TBRG4: variants seen among roughly 807,000 people sequenced by gnomAD.
TBRG4 encodes FAST kinase domain-containing protein 4.
A neutral mutation model predicts 65.6 loss-of-function variants in TBRG4; 43 were observed. That is an observed-to-expected ratio of 0.66 (90% CI 0.51 to 0.85). The LOEUF (loss-of-function observed/expected upper bound fraction) is 0.85, where lower values mean the gene tolerates loss of function less well. Among genes scored for constraint, TBRG4 ranks in the 40% least tolerant of loss-of-function variants. TBRG4 has a pLI of 0.00. For synonymous variants in TBRG4, 366 were observed against 341.4 expected, an observed-to-expected ratio of 1.07 and a Z score of -0.79; for missense variants, 709 against 787.9, an observed-to-expected ratio of 0.90 and a Z score of 1.20.
rs1784720556 is a variant in TBRG4 at position 45,100,133 on chromosome 7, C to T, written c.*192G>A. ...CAGAGGGTGACCAAGCCTGGGAAGG[C>T]CCCAGGGGTCCAACACCAAAATTAA... is the stretch of plus-strand genomic sequence containing the variant. On this transcript the variant is annotated 3_prime_UTR_variant, in exon 11 of 11. Coordinates refer to ENST00000258770, the MANE Select transcript of TBRG4 (RefSeq NM_004749.4). 1 of 553,196 alleles carries T rather than the reference C, an allele frequency of 1.8e-6. No individual in the cohort carries two copies. The highest frequency in any genetic ancestry group is 3.2e-6 in the Non-Finnish European group (1 of 312,368). 34.3% of individuals were successfully genotyped at this position (553,196 alleles called of 1,614,324 possible). A position where few individuals can be genotyped will look rare whatever the true frequency, so the allele number is the denominator to read the frequency against.
chr7:45,110,223 C>G (rs113269482), intron 1 of TBRG4, among the ~76,000 whole-genome samples: 1 of 152,128 alleles, frequency 6.6e-6, no homozygotes, highest in African/African-American at 2.4e-5. Flanking sequence ...TTTAAACAGG[C>G]CTTGCACTTC....
In TBRG4 at chr7:45,101,851, AC is replaced by A; in HGVS notation, c.1540del (p.Val514TrpfsTer24). On this transcript the variant is annotated frameshift_variant, in exon 8 of 11. Transcript: ENST00000258770. LOFTEE classifies it high-confidence loss of function. The part of the protein sequence containing the change: ...LGSADKGSLE[V>X]ATQYGWVLDA... ...CAGCACCCAGCCATACTGCGTGGCC[AC>A]CTCGAGGCTGCCCTTGTCGGCGCTC... 6.2e-7 allele frequency: 1 copy of A among 1,607,094 alleles called. No homozygotes were observed. The highest frequency in any genetic ancestry group is 1.1e-5 in the South Asian group (1 of 90,982).
At chr7:45,107,417 G>C (rs1450968977) in intron 2 of TBRG4, 1 of 152,240 alleles carries the variant, frequency 6.6e-6, no homozygotes, top group Non-Finnish European at 1.5e-5. Flanking sequence ...GGTGGCTCTA[G>C]AGCCCTTTGG....
In TBRG4 at chr7:45,103,444, C is replaced by T; in HGVS notation, c.1066-1G>A. 6.2e-7 allele frequency: 1 copy of T among 1,610,498 alleles called. No individual in the cohort carries two copies. The highest frequency in any genetic ancestry group is 8.5e-7 in the Non-Finnish European group (1 of 1,177,952). The stretch of plus-strand genomic sequence containing the variant: ...TGTCCTGCGCTCTGTTCAGGACGTG[C>T]TGGGTGGGTCAGAAATAGCAGAGGG... On this transcript the variant is annotated splice_acceptor_variant, in intron 5 of 10. Coordinates refer to ENST00000258770, the MANE Select transcript of TBRG4 (RefSeq NM_004749.4). LOFTEE classifies it high-confidence loss of function.
Position 45,103,339 on chromosome 7 carries a change from G to A in TBRG4, c.1170C>T (p.Phe390=), listed in dbSNP as rs564552955. The part of the protein sequence containing the change: ...NFHPDQEDQF[F]SLVHEKLGSE... ...GGGAGCCCAGAGGCCCTACCAGGCT[G>A]AAGAACTGATCCTCTTGGTCTGGAT... Residue 390 remains phenylalanine (F), a synonymous_variant, in exon 6 of 11, where the codon TTC becomes TTT. Transcript: ENST00000258770. 6 of 1,612,584 alleles carry A rather than the reference G, an allele frequency of 3.7e-6. No individual in the cohort carries two copies. In the African/African-American group the frequency reaches 5.3e-5, roughly 14 times the overall value.
In TBRG4 at chr7:45,105,702, G is replaced by A. The variant is rs990080036; in HGVS notation, c.474C>T (p.Ile158=). The A allele has an allele frequency of 3.1e-6, 5 of 1,613,910 alleles. No homozygotes were observed. The African/African-American group carries it at 6.7e-5, about 22-fold the overall frequency. Residue 158 remains isoleucine (I), a synonymous_variant, in exon 3 of 11, where the codon ATC becomes ATT. Coordinates refer to ENST00000258770, the MANE Select transcript of TBRG4 (RefSeq NM_004749.4). ...ACTGCAGCTCCTTGGAGGCCTTGGGGATGCCCAGAGCATACAGGCTTCCCA... is the reference window on the plus strand; with the variant it reads ...ACTGCAGCTCCTTGGAGGCCTTGGGAATGCCCAGAGCATACAGGCTTCCCA... ...KLLGSLYALG[I]PKASKELQSV...
intron 1 of TBRG4, among the ~76,000 whole-genome samples, chr7:45,110,528 G>A (rs550820183): frequency 2.0e-5 from 3 of 151,966 alleles, no homozygotes; most frequent in Admixed American, 1.3e-4. Context: ...TTAGCCGGGC[G>A]TGGTGGCGGG....
chr7:45,105,349 A>G, intron 3 of TBRG4, 92 bp downstream of exon 3: 13 of 1,386,334 alleles, frequency 9.4e-6, no homozygotes, highest in Non-Finnish European at 1.2e-5. Flanking sequence ...CAGTGCACAC[A>G]ACGCACCCCT....
Position 45,105,736 on chromosome 7 carries a change from G to A in TBRG4, c.440C>T (p.Ser147Leu), listed in dbSNP as rs747884199. The A allele has an allele frequency of 3.1e-6, 5 of 1,612,574 alleles. No individual in the cohort carries two copies. In the South Asian group the frequency reaches 4.4e-5, roughly 14 times the overall value. The change falls in exon 3 of 11, where the codon TCG becomes TTG. Residue 147 changes from serine to leucine, a missense_variant. Ser to Leu is a moderately radical substitution (Grantham distance 145). Transcript: ENST00000258770. ...QIASVWHGTLSKLLGSLYALG... is the reference protein window; with the variant it reads ...QIASVWHGTLLKLLGSLYALG... Reference sequence around the variant, plus strand: ...AGCATACAGGCTTCCCAGCAGCTTCGAGAGGGTACCATGCCAGACCGAGGC... The same window carrying A: ...AGCATACAGGCTTCCCAGCAGCTTCAAGAGGGTACCATGCCAGACCGAGGC...
Position 45,108,907 on chromosome 7 carries a change from G to C in TBRG4, c.331C>G (p.Leu111Val). Residue 111 changes from leucine (L) to valine (V), a missense_variant, in exon 2 of 11, where the codon CTG becomes GTG. Transcript: ENST00000258770. ...CCTTTATCTTCTGGCTTCTCAGACA[G>C]CAAGTGAGAGAGCCGGATAAGTACC... Reference protein sequence around the residue: ...AMVLIRLSHLLSEKPEDKGLL... With the variant: ...AMVLIRLSHLVSEKPEDKGLL... The C allele has an allele frequency of 6.3e-7, 1 of 1,598,032 alleles. No individual in the cohort carries two copies.
intron 2 of TBRG4, 65 bp downstream of exon 2, chr7:45,108,762 T>C: frequency 7.3e-7 from 1 of 1,360,898 alleles, no homozygotes; most frequent in Non-Finnish European, 9.9e-7. Flanking sequence ...CTGGCTGCTG[T>C]GGACCCCAGC....
At position 45,102,061 on chromosome 7, in the gene TBRG4, G is replaced by T; in HGVS notation, c.1331C>A (p.Ser444Tyr). 1 of 1,570,100 alleles carries T rather than the reference G, an allele frequency of 6.4e-7. No homozygotes were observed. Among genetic ancestry groups the T allele is most frequent in the Non-Finnish European group, 8.6e-7 (1 of 1,165,074 alleles). ...EFHIQFLGGK[S>Y]QKDQNTFQKL... is the part of the protein sequence containing the mutation. ...CTGGAAGGTGTTCTGATCCTTCTGA[G>T]ACTTGCCCCCTAGGAGACAAGGAGA... Residue 444 changes from serine (S) to tyrosine (Y), a missense_variant, in exon 8 of 11, where the codon TCT becomes TAT. By Grantham distance (144) the Ser-to-Tyr change is moderately radical. Coordinates refer to ENST00000258770, the MANE Select transcript of TBRG4 (RefSeq NM_004749.4).
In TBRG4 at chr7:45,107,197, C is replaced by T. The variant is rs577187046; in HGVS notation, c.412-1433G>A. ...CAGGCTCTTACTAAATGCCAGGCAT[C>T]CTTCTGTGTGCGTACCCCCATGAGA... On this transcript the variant is annotated intron_variant, in intron 2 of 10. Coordinates refer to ENST00000258770, the MANE Select transcript of TBRG4 (RefSeq NM_004749.4). The T allele has an allele frequency of 6.6e-5, 10 of 152,360 alleles. No individual in the cohort carries two copies. The East Asian group carries it at 1.3e-3, about 21-fold the overall frequency. The allele number at this position is 152,360 out of a possible 1,614,324, so 9.4% of individuals were successfully genotyped here. A position where few individuals can be genotyped will look rare whatever the true frequency, so the allele number is the denominator to read the frequency against.
At chr7:45,106,107 T>G in intron 2 of TBRG4, 1 of 561,220 alleles carries the variant, frequency 1.8e-6, no homozygotes, top group Non-Finnish European at 3.5e-6. Flanking sequence ...GCCAAGCACC[T>G]GCAGAGCCAG....
chr7:45,105,164 G>A (rs1369605498), intron 3 of TBRG4: 2 of 635,452 alleles, frequency 3.1e-6, no homozygotes, highest in African/African-American at 1.8e-5. Context: ...ATCGTGCTGT[G>A]ATGGGGTTTG....
chr7:45,105,159 G>A, intron 3 of TBRG4: 1 of 641,066 alleles, frequency 1.6e-6, no homozygotes, highest in South Asian at 1.7e-5. Flanking sequence ...TCAAGATCGT[G>A]CTGTGATGGG....
intron 1 of TBRG4, among the ~76,000 whole-genome samples, chr7:45,110,459 G>T (rs968003049): frequency 6.6e-6 from 1 of 152,284 alleles, no homozygotes; most frequent in South Asian, 2.1e-4. Context: ...GAGGTCAGGA[G>T]ATCGAGACCA....
At chr7:45,105,004 G>A (rs774476175) in intron 3 of TBRG4, 11 of 737,692 alleles carry the variant, frequency 1.5e-5, no homozygotes, top group African/African-American at 1.2e-4. Context: ...GCCAGCCCCC[G>A]CTATGACAGA....
In TBRG4 at chr7:45,101,284, C is replaced by G; in HGVS notation, c.1768G>C (p.Val590Leu). ...GRFVLARRHI[V>L]AAGFLIVDVP... ...TCCACTATCAGGAAGCCTGCAGCCACTATGTGTCGCCGGGCCAGAACAAAG... is the reference window on the plus strand; with the variant it reads ...TCCACTATCAGGAAGCCTGCAGCCAGTATGTGTCGCCGGGCCAGAACAAAG... The change falls in exon 10 of 11, where the codon GTG (valine) becomes CTG (leucine). Residue 590 changes from valine to leucine, a missense_variant. Val to Leu is a conservative substitution (Grantham distance 32, BLOSUM62 1). Coordinates refer to ENST00000258770, the MANE Select transcript of TBRG4 (RefSeq NM_004749.4). The G allele has an allele frequency of 6.2e-7, 1 of 1,613,868 alleles. No individual in the cohort carries two copies.
Sources: gnomAD v4.1 joint callset for allele counts (sites outside exome capture counted in the v4.1 genomes callset) on GRCh38, gnomAD v4.1.1 for gene constraint, MANE v1.5 for transcripts, NCBI Gene and HGNC (gene_info 2026-07-23, HGNC 2026-07-21) for gene names.